PCNX1: variants seen among roughly 807,000 people sequenced by gnomAD.
The protein encoded by PCNX1 is pecanex 1, also known as pecanex-like protein 1.
A neutral mutation model predicts 242.2 loss-of-function variants in PCNX1; 78 were observed. The ratio of observed to expected loss-of-function variants is 0.32; its 90% CI spans 0.27 to 0.39. PCNX1 has a LOEUF of 0.39. Among genes scored for constraint, PCNX1 ranks in the 10% least tolerant of loss-of-function variants. The pLI is 1.00. For missense variants in PCNX1, 2,581 were observed against 2,856.5 expected, an observed-to-expected ratio of 0.90 and a Z score of 2.20; for synonymous variants, 1,024 against 1,032.9, an observed-to-expected ratio of 0.99 and a Z score of 0.17.
intron 28 of PCNX1, among the ~76,000 whole-genome samples, chr14:71,087,201 T>C (rs907268898): frequency 2.0e-5 from 3 of 152,136 alleles, no homozygotes; most frequent in African/African-American, 7.2e-5. Context: ...ACTAGTGCTC[T>C]CATACTCTTT....
chr14:70,969,119 G>T lies in PCNX1; in HGVS notation c.604+9G>T. 1 of 1,530,736 alleles carries T rather than the reference G, an allele frequency of 6.5e-7. No homozygotes were observed. Among genetic ancestry groups the T allele is most frequent in the East Asian group, 2.3e-5 (1 of 44,398 alleles). The allele number at this position is 1,530,736 out of a possible 1,614,324, so 94.8% of individuals were successfully genotyped here. Reference sequence around the variant, plus strand: ...AGGAAGTGAAGAACAAGGTAAGAACGTTATACTTTACCATGATGTCATATA... The same window carrying T: ...AGGAAGTGAAGAACAAGGTAAGAACTTTATACTTTACCATGATGTCATATA... On this transcript the variant is annotated intron_variant, in intron 5 of 35. Transcript: ENST00000304743.
At chr14:70,919,866 G>T (rs1054472650) in intron 1 of PCNX1, among the ~76,000 whole-genome samples, 2 of 151,790 alleles carry the variant, frequency 1.3e-5, no homozygotes, top group Non-Finnish European at 2.9e-5. Flanking sequence ...AGAAAGAAAA[G>T]AAAACTTAGG....
chr14:71,085,957 T>C (rs1213375427), intron 28 of PCNX1: 1 of 156,134 alleles, frequency 6.4e-6, no homozygotes, highest in Non-Finnish European at 1.4e-5. Flanking sequence ...ATATTTGTAT[T>C]AGGCTGCTTG....
intron 8 of PCNX1, among the ~76,000 whole-genome samples, chr14:70,998,200 C>T (rs1216521317): frequency 2.0e-5 from 3 of 151,942 alleles, no homozygotes; most frequent in African/African-American, 7.2e-5. Context: ...TTTTCTACAT[C>T]TTTATTTTGT....
chr14:70,958,898 CTTTTTTTTTT>C (rs56362741), intron 2 of PCNX1, among the ~76,000 whole-genome samples: 113 of 66,404 alleles, frequency 1.7e-3, no homozygotes, highest in African/African-American at 6.6e-3. Context: ...TTTGGGGTTG[CTTTTTTTTTT>C]TTTTTTTTTT....
intron 30 of PCNX1, among the ~76,000 whole-genome samples, chr14:71,091,642 A>G (rs1168936551): frequency 6.6e-6 from 1 of 152,248 alleles, no homozygotes; most frequent in Non-Finnish European, 1.5e-5. Context: ...ATTATTTGCT[A>G]CCATAAAACA....
intron 5 of PCNX1, among the ~76,000 whole-genome samples, chr14:70,970,371 C>T (rs1015984633): frequency 2.0e-5 from 3 of 152,046 alleles, no homozygotes; most frequent in Admixed American, 6.6e-5. Context: ...TTCTCTCTCT[C>T]TCAGTCAATC....
At position 71,076,211 on chromosome 14, in the gene PCNX1, C is replaced by T; in HGVS notation, c.5129C>T (p.Thr1710Ile). The change falls in exon 28 of 36, where the codon ACC becomes ATC. Residue 1710 changes from threonine (T) to isoleucine (I), a missense_variant. This residue lies in a region of PCNX1 where 298 missense variants were observed against 480.1 expected (regional missense o/e 0.62). Transcript: ENST00000304743. ...YVKGIIYYVT[T>I]SSKLEEWLAN... ...TAGGGTATCATTTATTATGTTACGA[C>T]CTCGTCTAAGCTAGAGGAGTGGCTA... 1 of 1,609,868 alleles carries T rather than the reference C, an allele frequency of 6.2e-7. No individual in the cohort carries two copies. Among genetic ancestry groups the T allele is most frequent in the East Asian group, 2.2e-5 (1 of 44,832 alleles).
Position 71,045,138 on chromosome 14 carries a change from C to A in PCNX1, c.3873C>A (p.Ala1291=). ...VSTVFTVLQP[A]LKYVLYTLVG... is the part of the protein sequence containing the mutation. ...ACTTCTATTATTTTTTTTAGCCTGC[C>A]CTCAAGTATGTGTTGTATACATTGG... is the stretch of plus-strand genomic sequence containing the variant. The change falls in exon 20 of 36, where the codon GCC becomes GCA. Residue 1291 remains alanine, a synonymous_variant. Transcript: ENST00000304743. 6.3e-7 allele frequency: 1 copy of A among 1,582,956 alleles called. No individual in the cohort carries two copies. Among genetic ancestry groups the A allele is most frequent in the Non-Finnish European group, 8.6e-7 (1 of 1,168,792 alleles).
chr14:71,084,881 C>T (rs962434587), intron 28 of PCNX1, among the ~76,000 whole-genome samples: 5 of 152,140 alleles, frequency 3.3e-5, no homozygotes, highest in African/African-American at 7.2e-5. Flanking sequence ...GCATTCCAGG[C>T]GCCACTGGGG....
At chr14:71,004,962 T>C (rs1485594879) in intron 8 of PCNX1, among the ~76,000 whole-genome samples, 1 of 152,148 alleles carries the variant, frequency 6.6e-6, no homozygotes, top group Non-Finnish European at 1.5e-5. Context: ...AGCCCCTCTC[T>C]GCCCTATGAG....
chr14:70,956,384 AAAATAAAT>A (rs1002739521), intron 2 of PCNX1, among the ~76,000 whole-genome samples: 1 of 151,868 alleles, frequency 6.6e-6, no homozygotes, highest in Admixed American at 6.6e-5. Context: ...CTCTACCAAA[AAAATAAAT>A]AAATAAATAA....
chr14:71,025,387 T>C (rs1317645855), intron 13 of PCNX1, among the ~76,000 whole-genome samples: 1 of 152,154 alleles, frequency 6.6e-6, no homozygotes, highest in Non-Finnish European at 1.5e-5. Context: ...TCTTATACTT[T>C]CCCTGTTGTA....
intron 28 of PCNX1, among the ~76,000 whole-genome samples, chr14:71,080,582 C>T (rs1489460667): frequency 6.6e-6 from 1 of 152,122 alleles, no homozygotes; most frequent in Non-Finnish European, 1.5e-5. Context: ...TTGAAGAGGT[C>T]GTTCACATCC....
chr14:70,941,807 T>A (rs1014223777), intron 1 of PCNX1, among the ~76,000 whole-genome samples: 1 of 152,228 alleles, frequency 6.6e-6, no homozygotes, highest in Admixed American at 6.5e-5. Flanking sequence ...CAGCTTTGTT[T>A]ACCTACTCAA....
intron 6 of PCNX1, among the ~76,000 whole-genome samples, chr14:70,981,530 C>T (rs1159179247): frequency 2.6e-5 from 4 of 152,102 alleles, no homozygotes; most frequent in African/African-American, 9.7e-5. Context: ...TGTTTTCATA[C>T]GTCCTGTCAT....
chr14:70,938,061 T>A (rs1334013870), intron 1 of PCNX1, among the ~76,000 whole-genome samples: 1 of 152,218 alleles, frequency 6.6e-6, no homozygotes, highest in Non-Finnish European at 1.5e-5. Flanking sequence ...AAATATACAA[T>A]CATGTCATCT....
intron 30 of PCNX1, among the ~76,000 whole-genome samples, chr14:71,098,075 T>C (rs1481195353): frequency 2.6e-5 from 4 of 152,206 alleles, no homozygotes; most frequent in African/African-American, 7.2e-5. Flanking sequence ...TTGACAACTT[T>C]GTTGAAGCTC....
intron 28 of PCNX1, among the ~76,000 whole-genome samples, chr14:71,087,861 A>G (rs1404844502): frequency 6.6e-6 from 1 of 152,212 alleles, no homozygotes; most frequent in African/African-American, 2.4e-5. Flanking sequence ...ACAATATTTT[A>G]TGAATATCAA....
Sources: allele counts gnomAD v4.1 joint callset (sites outside exome capture counted in the v4.1 genomes callset), GRCh38; gene constraint gnomAD v4.1.1; regional missense constraint gnomAD v4.1.1; transcripts MANE v1.5; gene names NCBI Gene and HGNC (gene_info 2026-07-23, HGNC 2026-07-21).